HRH1: variants seen among roughly 807,000 people sequenced by gnomAD.
HRH1 encodes histamine H1 receptor.
In HRH1, 6 loss-of-function variants were observed where a neutral mutation model predicts 10.3. The ratio of observed to expected loss-of-function variants is 0.58; its 90% CI spans 0.32 to 1.15. The LOEUF (loss-of-function observed/expected upper bound fraction) is 1.15, where lower values mean the gene tolerates loss of function less well. Among genes scored for constraint, HRH1 ranks in the 50% most tolerant of loss-of-function variants. HRH1 has a pLI of 0.05. For synonymous variants in HRH1, 242 were observed against 236.7 expected (o/e 1.02, Z -0.21); for missense variants, 514 against 615.3 (o/e 0.84, Z 1.74).
chr3:11,236,321 T>TG (rs1559281317), intron 1 of HRH1, among the ~76,000 whole-genome samples: 1 of 152,156 alleles, frequency 6.6e-6, no homozygotes, highest in African/African-American at 2.4e-5. Flanking sequence ...CCCAGCAACC[T>TG]GGGAGGCTGA....
At chr3:11,220,836 A>G (rs918600692) in intron 1 of HRH1, among the ~76,000 whole-genome samples, 8 of 152,118 alleles carry the variant, frequency 5.3e-5, no homozygotes, top group Non-Finnish European at 1.5e-5. Context: ...ATTTTGCTGC[A>G]TTTCATGATT....
upstream of HRH1, among the ~76,000 whole-genome samples, chr3:11,150,574 T>A (rs926023629): frequency 6.6e-6 from 1 of 152,248 alleles, no homozygotes; most frequent in Non-Finnish European, 1.5e-5. Context: ...CCTTAAGGGC[T>A]TTGTGATTTT....
At chr3:11,206,115 TC>T (rs1408189887) in intron 1 of HRH1, among the ~76,000 whole-genome samples, 1 of 151,992 alleles carries the variant, frequency 6.6e-6, no homozygotes, top group Non-Finnish European at 1.5e-5. Context: ...TGTTTTCACA[TC>T]TTTGTTTTTT....
intron 1 of HRH1, among the ~76,000 whole-genome samples, chr3:11,248,569 G>A (rs1172444811): frequency 6.6e-6 from 1 of 152,226 alleles, no homozygotes; most frequent in Non-Finnish European, 1.5e-5. Context: ...CCCAGCGATA[G>A]TCCCCCACAA....
intron 1 of HRH1, among the ~76,000 whole-genome samples, chr3:11,179,318 T>G (rs1373453395): frequency 1.3e-5 from 2 of 149,788 alleles, no homozygotes; most frequent in Admixed American, 1.3e-4. Context: ...TTTAAAAAAT[T>G]TAAAAAAGAA....
rs1459676981 is a variant in HRH1 at position 11,154,782 on chromosome 3, C to T, written c.-36+228C>T. Among the ~76,000 whole-genome samples the T allele has an allele frequency of 6.6e-6, 1 of 152,142 alleles. No homozygotes were observed. The highest frequency in any genetic ancestry group is 1.5e-5 in the Non-Finnish European group (1 of 68,010). ...ACCGCTCCCCTCTCCACACTGTGGC[C>T]TCAGCACTCGACGCGCAGACACCTT... is the stretch of plus-strand genomic sequence containing the variant. On this transcript the variant is annotated intron_variant, in intron 1 of 1. Coordinates refer to ENST00000431010, the MANE Select transcript of HRH1 (RefSeq NM_001098212.2). This position sits in a 1 kb window ranked among gnomAD's most constrained non-coding sequence, Gnocchi z 4.4.
chr3:11,195,440 A>G (rs1166258415), intron 1 of HRH1, among the ~76,000 whole-genome samples: 1 of 152,192 alleles, frequency 6.6e-6, no homozygotes, highest in Non-Finnish European at 1.5e-5. Context: ...ATTGAGGCAT[A>G]TCTGCCATGT....
At chr3:11,137,663 C>T (rs767067085) in intron 1 of HRH1, among the ~76,000 whole-genome samples, 5 of 151,988 alleles carry the variant, frequency 3.3e-5, no homozygotes, top group Non-Finnish European at 7.4e-5. Context: ...CCAGTCAGCC[C>T]CCAGTGTTCT....
intron 1 of HRH1, among the ~76,000 whole-genome samples, chr3:11,143,529 C>T (rs963143589): frequency 1.3e-5 from 2 of 152,200 alleles, no homozygotes; most frequent in Non-Finnish European, 2.9e-5. Flanking sequence ...CGAAGTTTTC[C>T]CAAACATCCC....
At chr3:11,237,218 TTCC>T (rs1939203850) in intron 1 of HRH1, among the ~76,000 whole-genome samples, 1 of 152,254 alleles carries the variant, frequency 6.6e-6, no homozygotes, top group East Asian at 1.9e-4. Context: ...TTTGTTTATT[TTCC>T]TCTTTTCACA....
At position 11,259,203 on chromosome 3, in the gene HRH1, C is replaced by A. The variant is rs199822532; in HGVS notation, c.166C>A (p.Arg56=). The part of the protein sequence containing the change: ...LLVLYAVRSE[R]KLHTVGNLYI... ...GGTGCTGTATGCCGTACGGAGTGAG[C>A]GGAAGCTCCACACTGTGGGGAACCT... Residue 56 remains arginine (R), a synonymous_variant, in exon 2 of 2, where the codon CGG becomes AGG. Coordinates refer to ENST00000431010, the MANE Select transcript of HRH1 (RefSeq NM_001098212.2). The surrounding 1 kb of genome is among the most constrained non-coding windows in gnomAD (Gnocchi z 4.6). 2 of 1,613,410 alleles carry A rather than the reference C, an allele frequency of 1.2e-6. No homozygotes were observed. Among genetic ancestry groups the A allele is most frequent in the African/African-American group, 1.3e-5 (1 of 74,782 alleles).
chr3:11,168,390 C>T (rs116193475), intron 1 of HRH1, among the ~76,000 whole-genome samples: 1,983 of 152,262 alleles, frequency 0.013, 52 homozygotes, highest in African/African-American at 0.045. Flanking sequence ...GGATGACGCA[C>T]AGAGGAAGCG....
At chr3:11,187,930 C>G (rs1937476521) in intron 1 of HRH1, among the ~76,000 whole-genome samples, 1 of 152,166 alleles carries the variant, frequency 6.6e-6, no homozygotes, top group South Asian at 2.1e-4. Context: ...AATTGCTAAA[C>G]ATTTCAATTT....
chr3:11,165,629 T>C (rs1937015852), intron 1 of HRH1, among the ~76,000 whole-genome samples: 1 of 152,224 alleles, frequency 6.6e-6, no homozygotes, highest in African/African-American at 2.4e-5. Context: ...GCTCCATCAG[T>C]GCCAAGAATC....
At chr3:11,224,228 G>A (rs13064530) in intron 1 of HRH1, among the ~76,000 whole-genome samples, 37,180 of 152,046 alleles carry the variant, frequency 0.24, 4,603 homozygotes, top group South Asian at 0.38. Context: ...GGATCTTCCA[G>A]CCAAACAGGG....
chr3:11,163,852 C>A (rs748332739), intron 1 of HRH1, among the ~76,000 whole-genome samples: 1 of 152,066 alleles, frequency 6.6e-6, no homozygotes, highest in Non-Finnish European at 1.5e-5. Context: ...TCCCTGAATA[C>A]CCCCCACCCC....
At chr3:11,223,984 G>A (rs1575025807) in intron 1 of HRH1, among the ~76,000 whole-genome samples, 2 of 152,154 alleles carry the variant, frequency 1.3e-5, no homozygotes, top group Non-Finnish European at 2.9e-5. Context: ...TGTCAGCAAG[G>A]AGGAGGATGG....
chr3:11,241,822 C>T (rs1201385713), intron 1 of HRH1, among the ~76,000 whole-genome samples: 3 of 147,546 alleles, frequency 2.0e-5, no homozygotes, highest in Non-Finnish European at 3.0e-5. Context: ...GGGGACAGAG[C>T]GAGACTCCGT....
intron 1 of HRH1, among the ~76,000 whole-genome samples, chr3:11,173,791 A>G (rs1240068211): frequency 3.9e-5 from 6 of 152,174 alleles, no homozygotes; most frequent in African/African-American, 1.4e-4. Flanking sequence ...GGACTCACTT[A>G]CAGAAATACT....
Sources: allele counts gnomAD v4.1 joint callset (sites outside exome capture counted in the v4.1 genomes callset), GRCh38; gene constraint gnomAD v4.1.1; non-coding constraint Gnocchi (gnomAD v3.1); transcripts MANE v1.5; gene names NCBI Gene and HGNC (gene_info 2026-07-23, HGNC 2026-07-21).